PIK3C2G: variants seen among roughly 807,000 people sequenced by gnomAD.
The protein encoded by PIK3C2G is phosphatidylinositol-4-phosphate 3-kinase catalytic subunit type 2 gamma.
Under a neutral mutation model 181.1 loss-of-function variants are expected in PIK3C2G, and 168 were observed. The ratio of observed to expected loss-of-function variants is 0.93; its 90% CI spans 0.82 to 1.05. The LOEUF (loss-of-function observed/expected upper bound fraction) is 1.05. Among genes scored for constraint, PIK3C2G ranks in the 50% least tolerant of loss-of-function variants. PIK3C2G has a pLI of 0.00. For missense variants in PIK3C2G, 1,869 were observed against 1,732.8 expected (o/e 1.08, Z -1.40); for synonymous variants, 573 against 592.2 (o/e 0.97, Z 0.47).
At chr12:18,314,347 T>A (rs2137409347) in intron 6 of PIK3C2G, among the ~76,000 whole-genome samples, 1 of 152,228 alleles carries the variant, frequency 6.6e-6, no homozygotes, top group Middle Eastern at 3.4e-3. Flanking sequence ...GGTGATAGTA[T>A]TAGGAAGTGA....
At chr12:18,475,196 T>C (rs951683473) in intron 18 of PIK3C2G, among the ~76,000 whole-genome samples, 5 of 152,144 alleles carry the variant, frequency 3.3e-5, no homozygotes, top group African/African-American at 1.2e-4. Context: ...GTTATTGCTA[T>C]AATTGCTTAT....
intron 18 of PIK3C2G, among the ~76,000 whole-genome samples, chr12:18,473,063 G>A (rs1008759889): frequency 6.6e-6 from 1 of 152,090 alleles, no homozygotes; most frequent in African/African-American, 2.4e-5. Context: ...CTCTCTCAGA[G>A]TGTGAAAGGG....
Position 18,290,903 on chromosome 12 carries a change from G to A in PIK3C2G, c.810G>A (p.Lys270=). 6.2e-7 allele frequency: 1 copy of A among 1,600,828 alleles called. No individual in the cohort carries two copies. The highest frequency in any genetic ancestry group is 8.6e-7 in the Non-Finnish European group (1 of 1,168,210). The change falls in exon 4 of 33, where the codon AAG becomes AAA. Residue 270 remains lysine, a synonymous_variant. Transcript: ENST00000538779. ...HAADVNFNSG[K]IWSTTTAFPY... ...CTGATGTTAATTTCAATTCTGGGAAGATCTGGAGCACTACTACAGCATTTC... is the reference window on the plus strand; with the variant it reads ...CTGATGTTAATTTCAATTCTGGGAAAATCTGGAGCACTACTACAGCATTTC...
chr12:18,701,677 A>T, the PIK3C2G span: 1 of 1,607,250 alleles, frequency 6.2e-7, no homozygotes, highest in East Asian at 2.2e-5. Flanking sequence ...TCTTCTTCCC[A>T]TTCCTCCACC....
At chr12:18,372,685 A>G (rs547987484) in intron 13 of PIK3C2G, 1 of 152,352 alleles carries the variant, frequency 6.6e-6, no homozygotes, top group Middle Eastern at 3.4e-3. Context: ...TTACTCTCCC[A>G]TCATGTAACA....
At chr12:18,685,577 T>C in the PIK3C2G span, 2 of 500,146 alleles carry the variant, frequency 4.0e-6, no homozygotes, top group South Asian at 2.9e-5. Context: ...ATTTACCACA[T>C]AGCAATCTAG....
intron 12 of PIK3C2G, among the ~76,000 whole-genome samples, chr12:18,365,562 T>G (rs1941581219): frequency 6.6e-6 from 1 of 152,168 alleles, no homozygotes; most frequent in African/African-American, 2.4e-5. Context: ...TCTTGAAATT[T>G]GCTTTCCACA....
At chr12:18,436,844 C>T (rs1360878210) in intron 18 of PIK3C2G, among the ~76,000 whole-genome samples, 2 of 151,886 alleles carry the variant, frequency 1.3e-5, no homozygotes, top group Non-Finnish European at 2.9e-5. Flanking sequence ...TACATTGATC[C>T]CGTTCATAGT....
At chr12:18,399,446 T>C (rs1944116024) in intron 15 of PIK3C2G, among the ~76,000 whole-genome samples, 2 of 151,656 alleles carry the variant, frequency 1.3e-5, no homozygotes, top group African/African-American at 2.4e-5. Context: ...GATGTTATTT[T>C]TTTCAAAATA....
At chr12:18,414,304 A>G (rs1469219342) in intron 16 of PIK3C2G, among the ~76,000 whole-genome samples, 8 of 152,178 alleles carry the variant, frequency 5.3e-5, no homozygotes, top group Non-Finnish European at 2.9e-5. Flanking sequence ...AGCAATTAAT[A>G]AAACTTTCGT....
chr12:18,285,248 T>C (rs2137147332), intron 2 of PIK3C2G: 1 of 152,184 alleles, frequency 6.6e-6, no homozygotes, highest in East Asian at 1.9e-4. Flanking sequence ...AAATAAAACA[T>C]ACTTCTATAT....
chr12:18,444,961 G>T (rs1946946371), intron 18 of PIK3C2G, among the ~76,000 whole-genome samples: 1 of 152,048 alleles, frequency 6.6e-6, no homozygotes, highest in Non-Finnish European at 1.5e-5. Context: ...TAAGATCAAT[G>T]AAGCAGAAAA....
chr12:18,423,275 A>G, intron 17 of PIK3C2G, among the ~76,000 whole-genome samples: 1 of 152,144 alleles, frequency 6.6e-6, no homozygotes, highest in South Asian at 2.1e-4. Flanking sequence ...TTTCATATAT[A>G]CAGATTCCTG....
rs538310326 is a variant in PIK3C2G at position 18,409,957 on chromosome 12, C to T, written c.2315+10110C>T. Reference sequence around the variant, plus strand: ...AGAGGTACCACACACTTTAAACAACCGGATATCATTAGAACTCTATCACTA... The same window carrying T: ...AGAGGTACCACACACTTTAAACAACTGGATATCATTAGAACTCTATCACTA... On this transcript the variant is annotated intron_variant, in intron 16 of 32. Transcript: ENST00000538779. Among the ~76,000 whole-genome samples the T allele has an allele frequency of 7.2e-5, 11 of 152,070 alleles. No individual in the cohort carries two copies. In the South Asian group the frequency reaches 1.7e-3, roughly 23 times the overall value.
intron 6 of PIK3C2G, among the ~76,000 whole-genome samples, chr12:18,317,368 T>C (rs1370641705): frequency 6.6e-6 from 1 of 152,128 alleles, no homozygotes; most frequent in African/African-American, 2.4e-5. Context: ...GGGGAAGATA[T>C]TACATTTTAT....
At chr12:18,243,273 ATAGAG>A (rs1429470486), upstream of PIK3C2G, among the ~76,000 whole-genome samples, 1 of 151,854 alleles carries the variant, frequency 6.6e-6, no homozygotes, top group African/African-American at 2.4e-5. Context: ...TGTTGACAGA[ATAGAG>A]TAAAGCAAGA....
chr12:18,374,581 C>T (rs958828751), intron 13 of PIK3C2G, among the ~76,000 whole-genome samples: 25 of 152,296 alleles, frequency 1.6e-4, no homozygotes, highest in African/African-American at 5.8e-4. Flanking sequence ...AACTACCTTA[C>T]GCCACCTCCC....
intron 29 of PIK3C2G, among the ~76,000 whole-genome samples, chr12:18,584,742 C>T (rs116380688): frequency 0.016 from 2,376 of 152,152 alleles, 63 homozygotes; most frequent in African/African-American, 0.054. Flanking sequence ...ACATAACTAT[C>T]AGATTTTCCA....
At chr12:18,540,998 A>G (rs1944121127) in intron 25 of PIK3C2G, among the ~76,000 whole-genome samples, 2 of 151,956 alleles carry the variant, frequency 1.3e-5, no homozygotes, top group African/African-American at 4.8e-5. Context: ...AGCTTCTTAT[A>G]AAATAAAACC....
Sources: allele counts gnomAD v4.1 joint callset (sites outside exome capture counted in the v4.1 genomes callset), GRCh38; gene constraint gnomAD v4.1.1; transcripts MANE v1.5; gene names NCBI Gene and HGNC (gene_info 2026-07-23, HGNC 2026-07-21).